Variants in ST18 observed in about 807,000 individuals in gnomAD.
The protein encoded by ST18 is suppression of tumorigenicity 18 protein.
A neutral mutation model predicts 110.0 loss-of-function variants in ST18; 50 were observed. The observed-to-expected ratio is 0.45, with a 90% CI of 0.36 to 0.58. ST18 has a LOEUF of 0.58. Among genes scored for constraint, ST18 ranks in the 20% least tolerant of loss-of-function variants. ST18 has a pLI of 0.00. For missense variants in ST18, 1,306 were observed against 1,280.1 expected (o/e 1.02, Z -0.31); for synonymous variants, 461 against 452.4 (o/e 1.02, Z -0.24).
At chr8:52,133,593 TC>T (rs2050688681) in intron 19 of ST18, among the ~76,000 whole-genome samples, 4 of 151,976 alleles carry the variant, frequency 2.6e-5, no homozygotes, top group African/African-American at 9.7e-5. Flanking sequence ...TATTGTACAT[TC>T]TTTTTTTTTT....
intron 8 of ST18, chr8:52,201,516 C>T (rs1188211713): frequency 6.6e-6 from 1 of 152,262 alleles, no homozygotes; most frequent in African/African-American, 2.4e-5. Context: ...AAGAACATTC[C>T]CCACCCCAGC....
chr8:52,372,395 A>G (rs1830593250), intron 2 of ST18, among the ~76,000 whole-genome samples: 1 of 152,234 alleles, frequency 6.6e-6, no homozygotes, highest in Non-Finnish European at 1.5e-5. Context: ...ACAGTACACT[A>G]CGGTTAATTT....
intron 10 of ST18, 64 bp from the exon 11 acceptor site, chr8:52,167,050 A>G: frequency 6.5e-7 from 1 of 1,549,024 alleles, no homozygotes; most frequent in Non-Finnish European, 8.8e-7. Context: ...ATTCAATAGA[A>G]TGGCCTTGCA....
chr8:52,218,748 G>A (rs974180053), intron 5 of ST18, among the ~76,000 whole-genome samples: 4 of 151,824 alleles, frequency 2.6e-5, no homozygotes, highest in Non-Finnish European at 4.4e-5. Context: ...CTTGCAGTAA[G>A]CACCCTTTTG....
At chr8:52,329,403 T>C (rs947813956) in intron 2 of ST18, among the ~76,000 whole-genome samples, 2 of 152,256 alleles carry the variant, frequency 1.3e-5, no homozygotes, top group African/African-American at 4.8e-5. Flanking sequence ...AGCATGTTCA[T>C]GACAGCTCAG....
intron 15 of ST18, among the ~76,000 whole-genome samples, chr8:52,151,824 A>T (rs1234468490): frequency 2.6e-5 from 4 of 152,254 alleles, no homozygotes; most frequent in African/African-American, 9.6e-5. Flanking sequence ...ACCAACATTC[A>T]CATAAAATTC....
intron 2 of ST18, among the ~76,000 whole-genome samples, chr8:52,402,023 A>T (rs1247064192): frequency 2.6e-5 from 4 of 152,116 alleles, no homozygotes; most frequent in Admixed American, 6.5e-5. Flanking sequence ...GGGTGCAGTA[A>T]TGTAGTCTCT....
intron 17 of ST18, among the ~76,000 whole-genome samples, chr8:52,139,193 T>C (rs2053779570): frequency 6.6e-6 from 1 of 152,082 alleles, no homozygotes. Flanking sequence ...TGCCATTCAC[T>C]CACTAAATGT....
intron 2 of ST18, among the ~76,000 whole-genome samples, chr8:52,357,676 A>AAT (rs71252934): frequency 0.031 from 1,181 of 38,002 alleles, 16 homozygotes; most frequent in Middle Eastern, 0.045. Flanking sequence ...AAAATCTATA[A>AAT]ATATATATAT....
intron 15 of ST18, among the ~76,000 whole-genome samples, chr8:52,151,777 T>C (rs1002287871): frequency 2.0e-5 from 3 of 151,844 alleles, no homozygotes; most frequent in Non-Finnish European, 2.9e-5. Flanking sequence ...ACATTTTTCA[T>C]AAAAAAATAA....
Position 52,110,953 on chromosome 8 carries a change from C to A in ST18, c.*2245G>T. On this transcript the variant is annotated 3_prime_UTR_variant, in exon 26 of 26. Transcript: ENST00000689386. ...GAGAAACAGTATACAAACAAACTACCTCAAATTAAAAAAAATGCATACATC... is the reference window on the plus strand; with the variant it reads ...GAGAAACAGTATACAAACAAACTACATCAAATTAAAAAAAATGCATACATC... The A allele has an allele frequency of 2.5e-6, 1 of 398,136 alleles. No homozygotes were observed. Among genetic ancestry groups the A allele is most frequent in the East Asian group, 3.6e-5 (1 of 27,964 alleles). The allele number at this position is 398,136 out of a possible 1,614,324, so 24.7% of individuals were successfully genotyped here. A position where few individuals can be genotyped will look rare whatever the true frequency, so the allele number is the denominator to read the frequency against.
intron 14 of ST18, among the ~76,000 whole-genome samples, chr8:52,161,105 T>C (rs1296656418): frequency 1.3e-5 from 2 of 152,228 alleles, no homozygotes; most frequent in Non-Finnish European, 2.9e-5. Flanking sequence ...TTTAGAATTA[T>C]TGTACTTAGA....
intron 2 of ST18, among the ~76,000 whole-genome samples, chr8:52,345,820 A>T (rs1343480525): frequency 6.6e-6 from 1 of 152,192 alleles, no homozygotes; most frequent in Admixed American, 6.5e-5. Context: ...GAAAGCAAAG[A>T]TTCCTAGTGA....
chr8:52,214,623 C>T (rs553173830), intron 6 of ST18, among the ~76,000 whole-genome samples: 1 of 152,274 alleles, frequency 6.6e-6, no homozygotes, highest in East Asian at 1.9e-4. Flanking sequence ...AACCAATTTA[C>T]TAAAACCTAA....
chr8:52,160,887 T>C (rs548371294), intron 14 of ST18, among the ~76,000 whole-genome samples: 122 of 152,348 alleles, frequency 8.0e-4, no homozygotes, highest in African/African-American at 2.6e-3. Context: ...ATCCTGACTT[T>C]CAAATTGTTT....
chr8:52,321,644 A>G (rs1054293621), intron 2 of ST18, among the ~76,000 whole-genome samples: 2 of 152,226 alleles, frequency 1.3e-5, no homozygotes, highest in African/African-American at 2.4e-5. Flanking sequence ...TATTCCTAGT[A>G]TCACAGAGTG....
At chr8:52,191,662 G>T (rs1563969919) in intron 8 of ST18, among the ~76,000 whole-genome samples, 1 of 152,194 alleles carries the variant, frequency 6.6e-6, no homozygotes, top group South Asian at 2.1e-4. Flanking sequence ...TGGTCAGCAG[G>T]TCACAACTTA....
intron 17 of ST18, 81 bp from the exon 18 acceptor site, chr8:52,137,564 G>A: frequency 7.0e-7 from 1 of 1,418,690 alleles, no homozygotes; most frequent in South Asian, 1.2e-5. Context: ...TACGGAGGAG[G>A]TAGCTTCTCT....
chr8:52,282,629 G>A (rs2095403445), intron 2 of ST18, among the ~76,000 whole-genome samples: 1 of 152,158 alleles, frequency 6.6e-6, no homozygotes, highest in Non-Finnish European at 1.5e-5. Flanking sequence ...CTCATGGCCA[G>A]AAAATAGTCC....
Sources: allele counts gnomAD v4.1 joint callset (sites outside exome capture counted in the v4.1 genomes callset), GRCh38; gene constraint gnomAD v4.1.1; transcripts MANE v1.5; gene names NCBI Gene and HGNC (gene_info 2026-07-23, HGNC 2026-07-21).